The following LIN54 variants were observed in gnomAD, a reference collection of about 807,000 sequenced individuals.
LIN54 encodes lin-54 DREAM MuvB core complex component.
Under a neutral mutation model 78.7 loss-of-function variants are expected in LIN54, and 9 were observed. The observed-to-expected ratio is 0.11, with a 90% CI of 0.07 to 0.20. The LOEUF (loss-of-function observed/expected upper bound fraction) is 0.20, where lower values mean the gene tolerates loss of function less well. LIN54 is among the 10% of genes least tolerant of loss of function. The pLI, the probability that LIN54 is intolerant of heterozygous loss-of-function variation, is 1.00. For missense variants in LIN54, 573 were observed against 889.9 expected, an observed-to-expected ratio of 0.64 and a Z score of 4.53; for synonymous variants, 269 against 318.4, an observed-to-expected ratio of 0.84 and a Z score of 1.65.
At chr4:82,985,420 A>T (rs1727038838) in intron 1 of LIN54, among the ~76,000 whole-genome samples, 1 of 152,246 alleles carries the variant, frequency 6.6e-6, no homozygotes, top group African/African-American at 2.4e-5. Flanking sequence ...AGAGTAATAC[A>T]TCTCAGCAAT....
intron 7 of LIN54, 119 bp downstream of exon 7, chr4:82,939,420 T>C: frequency 3.6e-6 from 3 of 832,846 alleles, no homozygotes; most frequent in Non-Finnish European, 6.1e-6. Flanking sequence ...TTTTAAGATT[T>C]TGGAAAGTGC....
intron 4 of LIN54, among the ~76,000 whole-genome samples, chr4:82,968,409 T>A (rs1725396039): frequency 6.6e-6 from 1 of 152,062 alleles, no homozygotes; most frequent in South Asian, 2.1e-4. Context: ...ATAAACCATA[T>A]ACCAGTCAAA....
At chr4:82,958,862 C>T (rs145342195) in intron 4 of LIN54, among the ~76,000 whole-genome samples, 2,526 of 152,122 alleles carry the variant, frequency 0.017, 32 homozygotes, top group Non-Finnish European at 0.026. Flanking sequence ...GCCACTACAC[C>T]TGGCTAATTT....
chr4:82,949,803 T>G (rs985589575), intron 4 of LIN54, among the ~76,000 whole-genome samples: 2 of 151,984 alleles, frequency 1.3e-5, no homozygotes, highest in Non-Finnish European at 2.9e-5. Flanking sequence ...TTTCCTTTGC[T>G]GTGCAGGATA....
chr4:83,012,386 G>A (rs1425485253), upstream of LIN54, among the ~76,000 whole-genome samples: 2 of 152,062 alleles, frequency 1.3e-5, no homozygotes, highest in Admixed American at 1.3e-4. Context: ...GGAGGGACTG[G>A]CACAAAATGA....
At chr4:83,009,199 A>G (rs1417922025) in intron 1 of LIN54, among the ~76,000 whole-genome samples, 3 of 152,160 alleles carry the variant, frequency 2.0e-5, no homozygotes, top group African/African-American at 7.2e-5. Context: ...TTCACACAAA[A>G]TATTTCCCCT....
At chr4:82,998,006 ATAATAATATATAT>A (rs199718561) in intron 1 of LIN54, among the ~76,000 whole-genome samples, 965 of 64,886 alleles carry the variant, frequency 0.015, 8 homozygotes, top group African/African-American at 0.072. Flanking sequence ...AAAAAAAAAA[ATAATAATATATAT>A]ATAATAATAT....
chr4:82,983,009 T>C (rs1340331603), intron 2 of LIN54, among the ~76,000 whole-genome samples: 1 of 21,730 alleles, frequency 4.6e-5, no homozygotes, highest in Admixed American at 1.0e-3. Context: ...CATTTCTTGT[T>C]TTTTTTTTTT....
At chr4:82,992,890 T>C (rs1727854147) in intron 1 of LIN54, among the ~76,000 whole-genome samples, 1 of 151,680 alleles carries the variant, frequency 6.6e-6, no homozygotes, top group African/African-American at 2.4e-5. Flanking sequence ...TAGCCGGGCA[T>C]GGTAGCAGGT....
rs1729788695 is a variant in LIN54, at chr4:83,010,577, C to G, written c.-126G>C. The stretch of plus-strand genomic sequence containing the variant: ...CCGAGCCCCGGCGGGGCTTGTTTTG[C>G]CCGTGCACGATAGCTCTGGCCAGCA... On this transcript the variant is annotated 5_prime_UTR_variant, in exon 1 of 13. Coordinates refer to ENST00000340417, the MANE Select transcript of LIN54 (RefSeq NM_194282.4). The G allele has an allele frequency of 8.2e-7, 1 of 1,220,808 alleles. No individual in the cohort carries two copies. Among genetic ancestry groups the G allele is most frequent in the Non-Finnish European group, 1.0e-6 (1 of 981,246 alleles). 75.6% of individuals were successfully genotyped at this position (1,220,808 alleles called of 1,614,324 possible). A position where few individuals can be genotyped will look rare whatever the true frequency, so the allele number is the denominator to read the frequency against.
chr4:82,940,072 A>G, intron 5 of LIN54, 110 bp from the exon 6 acceptor site: 1 of 731,852 alleles, frequency 1.4e-6, no homozygotes, highest in Non-Finnish European at 2.3e-6. Flanking sequence ...AGCTTAAAGA[A>G]TTCCATTTGA....
chr4:83,006,999 G>C (rs563795283), intron 1 of LIN54, among the ~76,000 whole-genome samples: 38 of 151,874 alleles, frequency 2.5e-4, no homozygotes, highest in African/African-American at 8.0e-4. Context: ...AAGTAGCCAG[G>C]CATGGTGGCG....
At chr4:82,965,267 C>T (rs1725111225) in intron 4 of LIN54, among the ~76,000 whole-genome samples, 2 of 151,942 alleles carry the variant, frequency 1.3e-5, no homozygotes, top group African/African-American at 4.8e-5. Flanking sequence ...TTGAAGAAAA[C>T]CGAGGATTAC....
intron 4 of LIN54, among the ~76,000 whole-genome samples, chr4:82,947,235 A>ATATATTTTTTTT: frequency 0.01 from 458 of 44,280 alleles, 16 homozygotes; most frequent in African/African-American, 0.027. Context: ...ATATATATAT[A>ATATATTTTTTTT]TTTTTTTTTT....
intron 5 of LIN54, chr4:82,944,749 C>T (rs1233854795): frequency 6.6e-6 from 1 of 151,982 alleles, no homozygotes; most frequent in Non-Finnish European, 1.5e-5. Flanking sequence ...TTAGACTACT[C>T]AAGTATAGCA....
At chr4:82,939,011 G>A (rs1356715103) in intron 7 of LIN54, among the ~76,000 whole-genome samples, 1 of 152,168 alleles carries the variant, frequency 6.6e-6, no homozygotes, top group African/African-American at 2.4e-5. Context: ...CACATAACAT[G>A]TTCCAAAGTG....
chr4:83,012,248 C>A (rs369248751), upstream of LIN54, among the ~76,000 whole-genome samples: 21 of 152,246 alleles, frequency 1.4e-4, no homozygotes, highest in Admixed American at 9.2e-4. Context: ...CGGCCCGCTC[C>A]CTTCCCCCGT....
At chr4:82,947,394 TTGTGTGTGTGTGTGTG>T (rs57298736) in intron 4 of LIN54, among the ~76,000 whole-genome samples, 53,203 of 124,586 alleles carry the variant, frequency 0.43, 13,357 homozygotes, top group Admixed American at 0.59. Context: ...CCCAGTTAAT[TTGTGTGTGTGTGTGTG>T]TGTGTGTGTG....
chr4:83,003,879 T>C (rs955414294), intron 1 of LIN54, among the ~76,000 whole-genome samples: 6 of 152,168 alleles, frequency 3.9e-5, no homozygotes, highest in African/African-American at 1.4e-4. Flanking sequence ...AGTATTTTTA[T>C]AAAGTACATT....
Sources: gnomAD v4.1 joint callset for allele counts (sites outside exome capture counted in the v4.1 genomes callset) on GRCh38, gnomAD v4.1.1 for gene constraint, MANE v1.5 for transcripts, NCBI Gene and HGNC (gene_info 2026-07-23, HGNC 2026-07-21) for gene names.